The following LINC00305 variants were observed in gnomAD, a reference collection of about 807,000 sequenced individuals.
LINC00305 encodes long independently transcribed non-coding RNA 305.
Position 64,133,117 on chromosome 18 carries a change from A to G in LINC00305, n.314+15658T>C, listed in dbSNP as rs530379049. ...CTTTGCTCATTACCTGAGAAGCCTC[A>G]GAGGGAAGTCTCAGAGCAGTCTCAG... On this transcript the variant is annotated intron_variant and non_coding_transcript_variant, in intron 1 of 3. Transcript: ENST00000666468. Among the ~76,000 whole-genome samples the G allele has an allele frequency of 3.3e-5, 5 of 152,290 alleles. No individual in the cohort carries two copies. The South Asian group carries it at 1.0e-3, about 32-fold the overall frequency.
rs2051259575 is a variant in LINC00305, at chr18:64,099,404, C to G, written n.315-764G>C. On this transcript the variant is annotated intron_variant and non_coding_transcript_variant, in intron 1 of 3. Coordinates refer to ENST00000666468, the Ensembl canonical transcript of LINC00305. ...AGCCTCATAGGGGAATCAGAGAGGT[C>G]AGCAGATGTTTAAAACCTGCTGAGA... 1.3e-5 allele frequency among the ~76,000 whole-genome samples: 2 copies of G among 152,180 alleles called. 1 individual carries two copies. The highest frequency in any genetic ancestry group is 4.2e-4 in the South Asian group (2 of 4,816).
chr18:64,087,688 A>G (rs2051208569), intron 3 of LINC00305, among the ~76,000 whole-genome samples: 2 of 152,194 alleles, frequency 1.3e-5, no homozygotes, highest in Admixed American at 6.5e-5. Context: ...TTTTGTCTTT[A>G]AGGACCTATC....
intron 1 of LINC00305, among the ~76,000 whole-genome samples, chr18:64,107,811 G>A (rs900316442): frequency 5.8e-4 from 89 of 152,258 alleles, no homozygotes; most frequent in African/African-American, 1.8e-3. Flanking sequence ...ATTAAAGGTC[G>A]GTGAGGCCCT....
intron 1 of LINC00305, chr18:64,103,956 A>G (rs1480848455): frequency 6.6e-6 from 1 of 152,236 alleles, no homozygotes; most frequent in Non-Finnish European, 1.5e-5. Context: ...ACATATGTAT[A>G]TGGTTATTTA....
chr18:64,130,522 A>G (rs1212413052), intron 1 of LINC00305, among the ~76,000 whole-genome samples: 1 of 152,216 alleles, frequency 6.6e-6, no homozygotes, highest in Non-Finnish European at 1.5e-5. Flanking sequence ...ATACATAGCA[A>G]AAGAAAACAT....
At chr18:64,108,540 G>T (rs1292346104) in intron 1 of LINC00305, among the ~76,000 whole-genome samples, 1 of 152,148 alleles carries the variant, frequency 6.6e-6, no homozygotes, top group African/African-American at 2.4e-5. Context: ...GGTCACAGAA[G>T]GCCTCTTAGA....
chr18:64,134,679 T>G (rs148036716), intron 1 of LINC00305, among the ~76,000 whole-genome samples: 1 of 152,340 alleles, frequency 6.6e-6, no homozygotes, highest in Non-Finnish European at 1.5e-5. Flanking sequence ...GTTACGTCAT[T>G]TTCTTTCTCA....
intron 1 of LINC00305, among the ~76,000 whole-genome samples, chr18:64,126,513 G>C (rs2051385963): frequency 6.6e-6 from 1 of 151,980 alleles, no homozygotes; most frequent in South Asian, 2.1e-4. Flanking sequence ...ATAGGCTCTC[G>C]CTCAGCCTCT....
intron 1 of LINC00305, among the ~76,000 whole-genome samples, chr18:64,134,346 A>G (rs1365940485): frequency 6.6e-6 from 1 of 152,234 alleles, no homozygotes; most frequent in African/African-American, 2.4e-5. Context: ...AATTATGTCC[A>G]GTATTTATAT....
At chr18:64,116,470 G>A (rs2051338311) in intron 1 of LINC00305, among the ~76,000 whole-genome samples, 1 of 152,134 alleles carries the variant, frequency 6.6e-6, no homozygotes, top group African/African-American at 2.4e-5. Flanking sequence ...TAACCGTTGA[G>A]TTCCTCTGTT....
chr18:64,134,058 G>T lies in LINC00305; in HGVS notation n.314+14717C>A, dbSNP rs2051421943. ...GGTATTAAACATCGGAGGGGCTTCA[G>T]ACAAAAAGATTTTTAATTTCTTTTG... On this transcript the variant is annotated intron_variant and non_coding_transcript_variant, in intron 1 of 3. Transcript: ENST00000666468. Among the ~76,000 whole-genome samples the T allele has an allele frequency of 2.0e-5, 3 of 152,262 alleles. No individual in the cohort carries two copies. The South Asian group carries it at 6.2e-4, about 32-fold the overall frequency.
chr18:64,095,056 A>G (rs2051240105), intron 3 of LINC00305, among the ~76,000 whole-genome samples: 2 of 152,034 alleles, frequency 1.3e-5, no homozygotes, highest in African/African-American at 4.8e-5. Context: ...CATGGTTATG[A>G]TTCTTCCCCA....
chr18:64,145,330 C>T (rs1049388687), intron 1 of LINC00305, among the ~76,000 whole-genome samples: 1 of 152,146 alleles, frequency 6.6e-6, no homozygotes, highest in Non-Finnish European at 1.5e-5. Context: ...GTGACCATCT[C>T]ACCTCATAAT....
chr18:64,149,059 G>A (rs948529688), exon 1 of LINC00305: 1 of 152,234 alleles, frequency 6.6e-6, no homozygotes, highest in African/African-American at 2.4e-5. Flanking sequence ...GCTTCAGATG[G>A]CTGTTGAACT....
chr18:64,101,615 C>T (rs72947354), intron 1 of LINC00305, among the ~76,000 whole-genome samples: 10,328 of 152,224 alleles, frequency 0.068, 522 homozygotes, highest in Non-Finnish European at 0.11. Flanking sequence ...CCCTAATCCA[C>T]GATGACTTCA....
intron 3 of LINC00305, among the ~76,000 whole-genome samples, chr18:64,091,760 T>C (rs2590397): frequency 0.12 from 17,699 of 152,250 alleles, 1,303 homozygotes; most frequent in Non-Finnish European, 0.16. Context: ...GCAGATGACA[T>C]AGTTGTGGAA....
chr18:64,144,944 C>A (rs776798197), intron 1 of LINC00305, among the ~76,000 whole-genome samples: 1 of 152,074 alleles, frequency 6.6e-6, no homozygotes, highest in African/African-American at 2.4e-5. Context: ...AGCCTATAAA[C>A]GGACACATGG....
chr18:64,101,684 G>T (rs1482596948), intron 1 of LINC00305, among the ~76,000 whole-genome samples: 2 of 152,142 alleles, frequency 1.3e-5, no homozygotes, highest in African/African-American at 4.8e-5. Flanking sequence ...CTGAGGCTGT[G>T]GGTGGAAAGC....
chr18:64,099,901 T>C (rs2051261537), intron 1 of LINC00305, among the ~76,000 whole-genome samples: 1 of 152,142 alleles, frequency 6.6e-6, no homozygotes. Context: ...TACATACAGC[T>C]TTTCGGAACA....
Sources: gnomAD v4.1 joint callset for allele counts (sites outside exome capture counted in the v4.1 genomes callset) on GRCh38, gnomAD v4.1.1 for gene constraint, MANE v1.5 for transcripts, NCBI Gene and HGNC (gene_info 2026-07-23, HGNC 2026-07-21) for gene names.